The following CHPF variants were observed in gnomAD, a reference collection of about 807,000 sequenced individuals.
The protein encoded by CHPF is chondroitin polymerizing factor.
CHPF carries 34 observed loss-of-function variants against 55.1 expected under a neutral mutation model. That is an observed-to-expected ratio of 0.62 (90% CI 0.47 to 0.82). The LOEUF (loss-of-function observed/expected upper bound fraction) is 0.82. CHPF is among the 40% of genes least tolerant of loss of function. The probability of loss-of-function intolerance (pLI) is 0.00; values close to 1 mark genes in which losing one functional copy is unlikely to be tolerated. For synonymous variants in CHPF, 489 were observed against 496.6 expected (o/e 0.98, Z 0.20); for missense variants, 961 against 1,106.1 (o/e 0.87, Z 1.86).
At position 219,542,194 on chromosome 2, in the gene CHPF, GGGA is replaced by G. The variant is rs1278931444; in HGVS notation, c.315-8_315-6del. ...TCCGTGCTGATGTAGCGGGTCCTAG[GGGA>G]GGAGATGGCACAAGCTTATCAAAAG... On this transcript the variant is annotated splice_polypyrimidine_tract_variant and splice_region_variant and intron_variant, in intron 1 of 3. Transcript: ENST00000243776. The G allele has an allele frequency of 4.3e-6, 5 of 1,161,218 alleles. No homozygotes were observed. The highest frequency in any genetic ancestry group is 5.4e-6 in the Non-Finnish European group (5 of 928,440). 71.9% of individuals were successfully genotyped at this position (1,161,218 alleles called of 1,614,324 possible).
Position 219,543,728 on chromosome 2 carries a change from G to A in CHPF, c.-190C>T, listed in dbSNP as rs1445256506. On this transcript the variant is annotated 5_prime_UTR_variant, in exon 1 of 4. Coordinates refer to ENST00000243776, the MANE Select transcript of CHPF (RefSeq NM_024536.6). ...GGAGCCGCGCCTCGATTCCCCTCCA[G>A]CAGCTGCTCTGGGCTGCGCAGGGTT... 2 of 441,498 alleles carry A rather than the reference G, an allele frequency of 4.5e-6. No individual in the cohort carries two copies. The highest frequency in any genetic ancestry group is 7.8e-6 in the Non-Finnish European group (2 of 255,224). 27.3% of individuals were successfully genotyped at this position (441,498 alleles called of 1,614,324 possible).
Position 219,539,862 on chromosome 2 carries a change from C to A in CHPF, c.1849G>T (p.Asp617Tyr). ...LDTLFLLAGPDTVLTPDFLNR... is the reference protein window; with the variant it reads ...LDTLFLLAGPYTVLTPDFLNR... Reference sequence around the variant, plus strand: ...AGGAAGTCAGGCGTGAGCACCGTGTCTGGCCCGGCCAGCAGGAACAGTGTG... The same window carrying A: ...AGGAAGTCAGGCGTGAGCACCGTGTATGGCCCGGCCAGCAGGAACAGTGTG... Residue 617 changes from aspartate (D) to tyrosine (Y), a missense_variant, in exon 4 of 4, where the codon GAC becomes TAC. Physicochemically the swap from Asp to Tyr is radical, Grantham distance 160. This residue lies in a region of CHPF where 936 missense variants were observed against 1,058.4 expected (regional missense o/e 0.88). Coordinates refer to ENST00000243776, the MANE Select transcript of CHPF (RefSeq NM_024536.6). The A allele has an allele frequency of 6.2e-7, 1 of 1,613,664 alleles. No homozygotes were observed. Among genetic ancestry groups the A allele is most frequent in the Non-Finnish European group, 8.5e-7 (1 of 1,180,030 alleles).
At position 219,540,175 on chromosome 2, in the gene CHPF, C is replaced by A; in HGVS notation, c.1536G>T (p.Leu512=). The A allele has an allele frequency of 6.2e-7, 1 of 1,609,148 alleles. No individual in the cohort carries two copies. The highest frequency in any genetic ancestry group is 8.5e-7 in the Non-Finnish European group (1 of 1,177,874). Reference sequence around the variant, plus strand: ...GGTCACGCTCAGCCGCAGCTAGAGGCAGCAGCACAGTGAGACGTGAGGCCT... The same window carrying A: ...GGTCACGCTCAGCCGCAGCTAGAGGAAGCAGCACAGTGAGACGTGAGGCCT... The part of the protein sequence containing the change: ...VTEASRLTVL[L]PLAAAERDLA... The change falls in exon 4 of 4, where the codon CTG becomes CTT. Residue 512 remains leucine, a synonymous_variant. Coordinates refer to ENST00000243776, the MANE Select transcript of CHPF (RefSeq NM_024536.6).
Position 219,542,044 on chromosome 2 carries a change from C to T in CHPF, c.460G>A (p.Ala154Thr), listed in dbSNP as rs1296687141. Residue 154 changes from alanine to threonine, a missense_variant, in exon 2 of 4, where the codon GCA (alanine) becomes ACA (threonine). By Grantham distance (58) the Ala-to-Thr change is moderately conservative (BLOSUM62 0). This residue lies in a region of CHPF where 936 missense variants were observed against 1,058.4 expected (regional missense o/e 0.88). Transcript: ENST00000243776. ...CCAGGTGGGGCCCGGCGGCCCCGTG[C>T]GCCCGTCAGGAACACCACACGCTCC... ...RLERVVFLTGARGRRAPPGMA... is the reference protein window; with the variant it reads ...RLERVVFLTGTRGRRAPPGMA... 5.7e-6 allele frequency: 9 copies of T among 1,584,678 alleles called. No individual in the cohort carries two copies. Among genetic ancestry groups the T allele is most frequent in the African/African-American group, 1.3e-5 (1 of 74,490 alleles).
rs1695219364 is a variant in CHPF at position 219,539,645 on chromosome 2, C to G, written c.2066G>C (p.Gly689Ala). 1 of 1,613,334 alleles carries G rather than the reference C, an allele frequency of 6.2e-7. No individual in the cohort carries two copies. Among genetic ancestry groups the G allele is most frequent in the African/African-American group, 1.3e-5 (1 of 74,946 alleles). ...TTGTTCTGAGGCTGCCGCCAGGCGC[C>G]CACGGGCTGCCACATAGTCGGAGTT... Reference protein sequence around the residue: ...FYNSDYVAARGRLAAASEQEE... With the variant: ...FYNSDYVAARARLAAASEQEE... The change falls in exon 4 of 4, where the codon GGG becomes GCG. Residue 689 changes from glycine (G) to alanine (A), a missense_variant. Physicochemically the swap from Gly to Ala is moderately conservative, Grantham distance 60. Coordinates refer to ENST00000243776, the MANE Select transcript of CHPF (RefSeq NM_024536.6).
At position 219,539,945 on chromosome 2, in the gene CHPF, G is replaced by A; in HGVS notation, c.1766C>T (p.Thr589Ile). The change falls in exon 4 of 4, where the codon ACA (threonine) becomes ATA (isoleucine). Residue 589 changes from threonine to isoleucine, a missense_variant. This residue lies in a region of CHPF where 936 missense variants were observed against 1,058.4 expected (regional missense o/e 0.88). Coordinates refer to ENST00000243776, the MANE Select transcript of CHPF (RefSeq NM_024536.6). ...GAGGCGCAGTGGTGAGGGTGCGGCT[G>A]TCTGCACACTGAGCCATGGCACCCG... ...GARVPWLSVQ[T>I]AAPSPLRLMD... The A allele has an allele frequency of 1.2e-6, 2 of 1,613,792 alleles. No homozygotes were observed. The highest frequency in any genetic ancestry group is 1.7e-6 in the Non-Finnish European group (2 of 1,179,976).
Position 219,539,515 on chromosome 2 carries a change from C to T in CHPF, c.2196G>A (p.Arg732=). 6.2e-7 allele frequency: 1 copy of T among 1,613,732 alleles called. No individual in the cohort carries two copies. Residue 732 remains arginine, a synonymous_variant, in exon 4 of 4, where the codon CGG becomes CGA. Transcript: ENST00000243776. ...TGAGCCTCGCGCTGCACGTCTGGGC[C>T]CGGTAGCGCTGCAGCAGCGCCGGCT... ...AVEPALLQRY[R]AQTCSARLSE...
Position 219,540,059 on chromosome 2 carries a change from G to A in CHPF, c.1652C>T (p.Pro551Leu), listed in dbSNP as rs377089380. Residue 551 changes from proline to leucine, a missense_variant, in exon 4 of 4, where the codon CCG becomes CTG. Transcript: ENST00000243776. ...AALTLLLLYE[P>L]RQAQRVAHAD... ...ATGGGCCACGCGCTGGGCCTGGCGC[G>A]GCTCATACAGTAGCAGCAGGGTCAG... 9 of 1,610,698 alleles carry A rather than the reference G, an allele frequency of 5.6e-6. No homozygotes were observed. Among genetic ancestry groups the A allele is most frequent in the South Asian group, 1.1e-5 (1 of 90,776 alleles).
At chr2:219,542,742 C>T (rs1005254502) in intron 1 of CHPF, among the ~76,000 whole-genome samples, 2 of 152,120 alleles carry the variant, frequency 1.3e-5, no homozygotes, top group African/African-American at 4.8e-5. Context: ...GCATTTGAAC[C>T]CAATGTTACT....
At chr2:219,543,171 C>T (rs1280437633) in intron 1 of CHPF, 54 bp downstream of exon 1, 2 of 1,378,054 alleles carry the variant, frequency 1.5e-6, no homozygotes, top group South Asian at 1.6e-5. Context: ...GCGACCTCCC[C>T]GCGCGCTTCC....
At position 219,541,853 on chromosome 2, in the gene CHPF, G is replaced by A. The variant is rs17852144; in HGVS notation, c.651C>T (p.Ser217=). The change falls in exon 2 of 4, where the codon AGC becomes AGT. Residue 217 remains serine, a synonymous_variant. Transcript: ENST00000243776. ...GGTACAGGTGGGCGGCGGAGGCCAG[G>A]CTGAGGTGGCCAGTTAGGCGTGCCA... ...HGLARLTGHL[S]LASAAHLYLG... is the part of the protein sequence containing the mutation. 1 of 1,611,550 alleles carries A rather than the reference G, an allele frequency of 6.2e-7. No homozygotes were observed.
Position 219,539,566 on chromosome 2 carries a change from G to A in CHPF, c.2145C>T (p.Ser715=), listed in dbSNP as rs774801501. 7.4e-6 allele frequency: 12 copies of A among 1,613,968 alleles called. No homozygotes were observed. The Middle Eastern group carries it at 6.6e-4, about 89-fold the overall frequency. The change falls in exon 4 of 4, where the codon TCC becomes TCT. Residue 715 remains serine, a synonymous_variant. Coordinates refer to ENST00000243776, the MANE Select transcript of CHPF (RefSeq NM_024536.6). ...LDVYELFLHF[S]SLHVLRAVEP... is the part of the protein sequence containing the mutation. ...CCACCGCCCGCAGCACATGCAGACTGGAGAAGTGGAGGAACAGCTCGTACA... is the reference window on the plus strand; with the variant it reads ...CCACCGCCCGCAGCACATGCAGACTAGAGAAGTGGAGGAACAGCTCGTACA...
intron 2 of CHPF, 87 bp downstream of exon 2, chr2:219,541,529 G>C (rs1046440752): frequency 5.4e-6 from 6 of 1,114,672 alleles, no homozygotes; most frequent in African/African-American, 1.6e-5. Context: ...GCATGGAAAA[G>C]CAGACCTGTA....
chr2:219,542,658 G>A (rs1695301634), intron 1 of CHPF, among the ~76,000 whole-genome samples: 1 of 152,154 alleles, frequency 6.6e-6, no homozygotes, highest in Admixed American at 6.5e-5. Context: ...GTGTTTTTGC[G>A]GGGAGGGGCA....
chr2:219,541,193 C>T, intron 2 of CHPF, 68 bp from the exon 3 acceptor site: 1 of 1,400,666 alleles, frequency 7.1e-7, no homozygotes, highest in Non-Finnish European at 9.6e-7. Context: ...TAGTAAGTGT[C>T]TCATCTCCTC....
rs758161397 is a variant in CHPF, at chr2:219,539,380, G to C, written c.*3C>G. On this transcript the variant is annotated 3_prime_UTR_variant, in exon 4 of 4. Transcript: ENST00000243776. ...TGCCACGGCCCACGGGGACAGGGTG[G>C]GGTCAGGTGCTGTTGCCCTGCTCCT... 1.3e-6 allele frequency: 2 copies of C among 1,590,862 alleles called. No individual in the cohort carries two copies. The highest frequency in any genetic ancestry group is 2.3e-5 in the East Asian group (1 of 44,370).
Position 219,540,706 on chromosome 2 carries a change from A to G in CHPF, c.1069-64T>C. The G allele has an allele frequency of 3.4e-6, 5 of 1,479,818 alleles. No individual in the cohort carries two copies. The South Asian group carries it at 6.7e-5, about 20-fold the overall frequency. 91.7% of individuals were successfully genotyped at this position (1,479,818 alleles called of 1,614,324 possible). A position where few individuals can be genotyped will look rare whatever the true frequency, so the allele number is the denominator to read the frequency against. ...ACAGGGAGCAGCACACAGCTGGGGG[A>G]CTGGGTAGGCAGTAGGTGCCACTCA... On this transcript the variant is annotated intron_variant, in intron 3 of 3. Transcript: ENST00000243776.
Position 219,543,392 on chromosome 2 carries a change from C to T in CHPF, c.147G>A (p.Glu49=). The change falls in exon 1 of 4, where the codon GAG becomes GAA. Residue 49 remains glutamate (E), a synonymous_variant. Transcript: ENST00000243776. ...GPGPPQPGDS[E]LPPRGNTNAA... ...CGTTGGTGTTGCCGCGCGGCGGCAG[C>T]TCAGAGTCTCCAGGTTGGGGCGGGC... The T allele has an allele frequency of 6.4e-7, 1 of 1,560,266 alleles. No homozygotes were observed. Among genetic ancestry groups the T allele is most frequent in the Non-Finnish European group, 8.6e-7 (1 of 1,163,158 alleles).
At position 219,541,964 on chromosome 2, in the gene CHPF, C is replaced by T; in HGVS notation, c.540G>A (p.Ala180=). Residue 180 remains alanine (A), a synonymous_variant, in exon 2 of 4, where the codon GCG becomes GCA. Transcript: ENST00000243776. ...CGTGCTGCTCCAGCAGGTGGCGCAG[C>T]GCCAGGTGCAGGTGTCCAATGGGTC... ...EERPIGHLHL[A]LRHLLEQHGD... The T allele has an allele frequency of 6.2e-7, 1 of 1,611,564 alleles. No individual in the cohort carries two copies. Among genetic ancestry groups the T allele is most frequent in the Non-Finnish European group, 8.5e-7 (1 of 1,178,976 alleles).
Sources: allele counts gnomAD v4.1 joint callset (sites outside exome capture counted in the v4.1 genomes callset), GRCh38; gene constraint gnomAD v4.1.1; regional missense constraint gnomAD v4.1.1; transcripts MANE v1.5; gene names NCBI Gene and HGNC (gene_info 2026-07-23, HGNC 2026-07-21).